Variants in LRRIQ1 observed in about 807,000 individuals in gnomAD.
LRRIQ1 encodes the protein leucine rich repeats and IQ motif containing 1.
In LRRIQ1, 210 loss-of-function variants were observed where a neutral mutation model predicts 211.9. That is an observed-to-expected ratio of 0.99 (90% CI 0.89 to 1.11). The LOEUF (loss-of-function observed/expected upper bound fraction) is 1.11, where lower values mean the gene tolerates loss of function less well. LRRIQ1 is among the 50% of genes most tolerant of loss of function. The pLI is 0.00. For missense variants in LRRIQ1, 2,136 were observed against 1,939.5 expected (o/e 1.10, Z -1.90); for synonymous variants, 699 against 650.1 (o/e 1.08, Z -1.14).
chr12:85,268,680 CATCCCTTTCCCTTTAAAGGAA>C (rs749590943), downstream of LRRIQ1, among the ~76,000 whole-genome samples: 18 of 116,504 alleles, frequency 1.5e-4, no homozygotes, highest in Admixed American at 7.6e-5. Flanking sequence ...GCTACATTTT[CATCCCTTTCCCTTTAAAGGAA>C]ATATTGGCTA....
intron 24 of LRRIQ1, among the ~76,000 whole-genome samples, chr12:85,212,809 GAGAA>G (rs1320858735): frequency 3.3e-5 from 5 of 149,998 alleles, no homozygotes; most frequent in African/African-American, 9.7e-5. Context: ...GAAAGAGAGA[GAGAA>G]AGAGAGAGAG....
intron 11 of LRRIQ1, 34 bp downstream of exon 11, chr12:85,073,132 T>C: frequency 6.7e-7 from 1 of 1,503,272 alleles, no homozygotes; most frequent in Non-Finnish European, 9.1e-7. Context: ...TTGTTACTCT[T>C]TATGGATTTC....
chr12:85,183,417 T>C (rs1218241378), intron 24 of LRRIQ1, among the ~76,000 whole-genome samples: 66 of 152,128 alleles, frequency 4.3e-4, no homozygotes, highest in Admixed American at 4.1e-3. Flanking sequence ...TCAATAATGA[T>C]TGTGAACTCC....
chr12:85,166,394 G>A (rs1891157511), intron 24 of LRRIQ1, among the ~76,000 whole-genome samples: 1 of 152,124 alleles, frequency 6.6e-6, no homozygotes, highest in South Asian at 2.1e-4. Context: ...TTATAAAATA[G>A]AAGATTTGCA....
At chr12:85,187,669 C>T (rs1287222298) in intron 24 of LRRIQ1, among the ~76,000 whole-genome samples, 7 of 151,738 alleles carry the variant, frequency 4.6e-5, no homozygotes, top group African/African-American at 1.2e-4. Context: ...AATAGCTGGG[C>T]GTGGTGGCTC....
intron 13 of LRRIQ1, among the ~76,000 whole-genome samples, chr12:85,102,959 A>AAATATATATATAT (rs1458673370): frequency 1.0e-4 from 11 of 108,462 alleles, no homozygotes; most frequent in African/African-American, 4.6e-4. Context: ...AAAAAAAAAA[A>AAATATATATATAT]ATATATATAT....
chr12:85,054,655 T>G (rs887960603), intron 7 of LRRIQ1, among the ~76,000 whole-genome samples: 17 of 150,906 alleles, frequency 1.1e-4, no homozygotes, highest in African/African-American at 2.9e-4. Flanking sequence ...CATTTTGAAG[T>G]TTTTTTTTAA....
chr12:85,135,113 TTA>T (rs1225733773), intron 18 of LRRIQ1, among the ~76,000 whole-genome samples: 3 of 152,008 alleles, frequency 2.0e-5, no homozygotes, highest in African/African-American at 7.2e-5. Flanking sequence ...ACTCAAACTT[TTA>T]TATGTTAAGT....
chr12:85,053,533 A>G (rs1036340012), intron 7 of LRRIQ1, among the ~76,000 whole-genome samples: 1 of 152,196 alleles, frequency 6.6e-6, no homozygotes, highest in Admixed American at 6.5e-5. Flanking sequence ...CAAAAAACGT[A>G]AGTATTCAAT....
chr12:85,127,986 AT>A lies in LRRIQ1; in HGVS notation c.4164del (p.Ile1388MetfsTer2). The A allele has an allele frequency of 6.2e-7, 1 of 1,613,670 alleles. No homozygotes were observed. Among genetic ancestry groups the A allele is most frequent in the South Asian group, 1.1e-5 (1 of 91,074 alleles). On this transcript the variant is annotated frameshift_variant, in exon 18 of 27. Transcript: ENST00000393217. LOFTEE classifies it high-confidence loss of function. The stretch of plus-strand genomic sequence containing the variant: ...TTTAAAGAAAGGAAAAAGAGAAAAT[AT>A]TGTGAATATCCGAAAACAGAGGGAG... The part of the protein sequence containing the change: ...TILKKGKREN[I>X]VNIRKQREKA...
chr12:85,117,347 C>T (rs967502319), intron 15 of LRRIQ1, among the ~76,000 whole-genome samples: 3 of 151,962 alleles, frequency 2.0e-5, no homozygotes, highest in Admixed American at 6.6e-5. Context: ...TCACTTTTCC[C>T]GGTGAAAAGT....
chr12:85,256,693 G>A (rs1405608164), intron 1 of LRRIQ1, among the ~76,000 whole-genome samples: 3 of 151,396 alleles, frequency 2.0e-5, no homozygotes, highest in Admixed American at 6.6e-5. Flanking sequence ...TAAGAAAATA[G>A]AGTCAAATAG....
At chr12:85,131,299 T>C (rs1201660610) in intron 18 of LRRIQ1, among the ~76,000 whole-genome samples, 3 of 152,036 alleles carry the variant, frequency 2.0e-5, no homozygotes, top group Non-Finnish European at 4.4e-5. Context: ...ACTCCTTCAT[T>C]TCATTTTCCC....
Position 85,072,949 on chromosome 12 carries a change from G to C in LRRIQ1, c.2738G>C (p.Gly913Ala). The C allele has an allele frequency of 1.2e-6, 2 of 1,611,460 alleles. No individual in the cohort carries two copies. Among genetic ancestry groups the C allele is most frequent in the Non-Finnish European group, 1.7e-6 (2 of 1,178,708 alleles). Residue 913 changes from glycine (G) to alanine (A), a missense_variant, in exon 11 of 27, where the codon GGG (glycine) becomes GCG (alanine). Physicochemically the swap from Gly to Ala is moderately conservative, Grantham distance 60. Transcript: ENST00000393217. ...FLEEKLVDNA[G>A]FCHHLGTSTS... ...GAAGAAAAACTTGTTGACAATGCAG[G>C]GTTCTGCCATCACTTGGGCACCTCC...
chr12:85,160,507 TA>T (rs1890805327), intron 23 of LRRIQ1, 105 bp from the exon 24 acceptor site: 1 of 617,462 alleles, frequency 1.6e-6, no homozygotes, highest in South Asian at 2.5e-5. Flanking sequence ...TAGAGCTTTA[TA>T]AAGTGGATTT....
intron 19 of LRRIQ1, among the ~76,000 whole-genome samples, chr12:85,141,733 T>TA (rs1889555467): frequency 1.3e-5 from 2 of 151,322 alleles, no homozygotes; most frequent in Admixed American, 1.3e-4. Flanking sequence ...TTATTTTTAT[T>TA]AGAGTATTTA....
chr12:85,081,541 A>T (rs1884287916), intron 11 of LRRIQ1, among the ~76,000 whole-genome samples: 1 of 152,078 alleles, frequency 6.6e-6, no homozygotes, highest in South Asian at 2.1e-4. Flanking sequence ...TTAAAAGTAC[A>T]CACTTAATTT....
At chr12:85,216,473 ATAAT>A (rs1894090297) in intron 24 of LRRIQ1, among the ~76,000 whole-genome samples, 2 of 150,986 alleles carry the variant, frequency 1.3e-5, no homozygotes, top group Admixed American at 1.3e-4. Flanking sequence ...TTTCATTTAT[ATAAT>A]TAATTTACAT....
chr12:85,197,745 G>A (rs1893006450), intron 24 of LRRIQ1, among the ~76,000 whole-genome samples: 1 of 150,504 alleles, frequency 6.6e-6, no homozygotes, highest in African/African-American at 2.5e-5. Flanking sequence ...GAGTTAGTGG[G>A]TGCAACGCAC....
Sources: allele counts gnomAD v4.1 joint callset (sites outside exome capture counted in the v4.1 genomes callset), GRCh38; gene constraint gnomAD v4.1.1; transcripts MANE v1.5; gene names NCBI Gene and HGNC (gene_info 2026-07-23, HGNC 2026-07-21).